Variants in GALNTL6 observed in about 807,000 individuals in gnomAD.
GALNTL6 encodes the protein polypeptide N-acetylgalactosaminyltransferase-like 6.
Under a neutral mutation model 73.7 loss-of-function variants are expected in GALNTL6, and 46 were observed. That is an observed-to-expected ratio of 0.62 (90% CI 0.49 to 0.80). GALNTL6 has a LOEUF of 0.80. Among genes scored for constraint, GALNTL6 ranks in the 30% least tolerant of loss-of-function variants. The probability of loss-of-function intolerance (pLI) is 0.00; values close to 1 mark genes in which losing one functional copy is unlikely to be tolerated. For synonymous variants in GALNTL6, 259 were observed against 263.7 expected, an observed-to-expected ratio of 0.98 and a Z score of 0.17; for missense variants, 604 against 755.0, an observed-to-expected ratio of 0.80 and a Z score of 2.34.
intron 2 of GALNTL6, among the ~76,000 whole-genome samples, chr4:171,917,883 A>G (rs1013065198): frequency 6.6e-6 from 1 of 152,120 alleles, no homozygotes; most frequent in Non-Finnish European, 1.5e-5. Flanking sequence ...AGACACACCT[A>G]CCACCTGACA....
At chr4:172,678,500 C>T (rs1014669918) in intron 5 of GALNTL6, among the ~76,000 whole-genome samples, 2 of 152,202 alleles carry the variant, frequency 1.3e-5, no homozygotes, top group African/African-American at 4.8e-5. Context: ...CATGCGCCAC[C>T]ATGCCCAGCT....
chr4:173,016,659 T>C (rs1752796119), intron 11 of GALNTL6, among the ~76,000 whole-genome samples: 1 of 152,228 alleles, frequency 6.6e-6, no homozygotes, highest in Non-Finnish European at 1.5e-5. Context: ...CCAACTTGCA[T>C]TTGATTTTAC....
intron 3 of GALNTL6, among the ~76,000 whole-genome samples, chr4:172,274,542 C>T (rs934197333): frequency 1.3e-5 from 2 of 152,140 alleles, no homozygotes; most frequent in Non-Finnish European, 2.9e-5. Flanking sequence ...ATATCTTTCT[C>T]TCTACTCATC....
intron 5 of GALNTL6, among the ~76,000 whole-genome samples, chr4:172,637,652 TA>T (rs1421641057): frequency 2.0e-5 from 3 of 152,176 alleles, no homozygotes; most frequent in African/African-American, 7.2e-5. Context: ...GGTGAAACAA[TA>T]AAATCATTTA....
chr4:172,668,588 G>A (rs1374252178), intron 5 of GALNTL6: 1 of 152,146 alleles, frequency 6.6e-6, no homozygotes, highest in African/African-American at 2.4e-5. Context: ...AATGAAAAGA[G>A]AGCATTTCTC....
intron 2 of GALNTL6, among the ~76,000 whole-genome samples, chr4:171,907,943 T>C (rs1378101667): frequency 2.0e-5 from 3 of 152,036 alleles, no homozygotes; most frequent in Admixed American, 6.6e-5. Context: ...GCTAGCCATA[T>C]GTAGAAAGCT....
intron 7 of GALNTL6, among the ~76,000 whole-genome samples, chr4:172,864,810 C>G (rs1049249182): frequency 6.6e-6 from 1 of 151,984 alleles, no homozygotes; most frequent in Non-Finnish European, 1.5e-5. Flanking sequence ...CTTTGATGTT[C>G]TATTTCTATC....
chr4:172,201,323 C>T lies in GALNTL6; in HGVS notation c.139-28333C>T, dbSNP rs192921052. On this transcript the variant is annotated intron_variant, in intron 2 of 12. Coordinates refer to ENST00000506823, the MANE Select transcript of GALNTL6 (RefSeq NM_001034845.3). ...TGGGATTCAAGCAATTCCCCTGCCT[C>T]GGCCTCCCAAGTTGCTGGGACTACA... 1.8e-4 allele frequency among the ~76,000 whole-genome samples: 28 copies of T among 152,140 alleles called. No individual in the cohort carries two copies. The East Asian group carries it at 3.1e-3, about 17-fold the overall frequency.
intron 2 of GALNTL6, among the ~76,000 whole-genome samples, chr4:171,955,409 C>A (rs1038186750): frequency 1.3e-5 from 2 of 151,140 alleles, no homozygotes; most frequent in East Asian, 3.9e-4. Flanking sequence ...TACACACACA[C>A]ATACAGTTGA....
chr4:171,849,963 A>C (rs1374674892), intron 2 of GALNTL6, among the ~76,000 whole-genome samples: 1 of 152,146 alleles, frequency 6.6e-6, no homozygotes, highest in African/African-American at 2.4e-5. Context: ...GTGGAGAGTT[A>C]ACATTTTTTG....
chr4:172,325,804 TA>T (rs1350717369), intron 4 of GALNTL6, among the ~76,000 whole-genome samples: 1 of 151,692 alleles, frequency 6.6e-6, no homozygotes, highest in Non-Finnish European at 1.5e-5. Flanking sequence ...AATGGAATAC[TA>T]AAAAATATAT....
At chr4:172,530,457 T>C (rs879742015) in intron 5 of GALNTL6, among the ~76,000 whole-genome samples, 12 of 152,220 alleles carry the variant, frequency 7.9e-5, no homozygotes, top group Non-Finnish European at 1.3e-4. Flanking sequence ...TAAGCAGTTC[T>C]TGGCTTTTGA....
At chr4:171,889,346 T>C (rs1736695332) in intron 2 of GALNTL6, among the ~76,000 whole-genome samples, 1 of 152,126 alleles carries the variant, frequency 6.6e-6, no homozygotes, top group South Asian at 2.1e-4. Context: ...CAGTCTTTCA[T>C]TGACCTGGTT....
At chr4:172,903,379 A>G (rs1746725523) in intron 8 of GALNTL6, among the ~76,000 whole-genome samples, 1 of 152,170 alleles carries the variant, frequency 6.6e-6, no homozygotes, top group Non-Finnish European at 1.5e-5. Flanking sequence ...CTCTAACAAT[A>G]CTAATCAGCA....
At chr4:172,902,435 A>G (rs1317404075) in intron 8 of GALNTL6, among the ~76,000 whole-genome samples, 1 of 152,184 alleles carries the variant, frequency 6.6e-6, no homozygotes, top group East Asian at 1.9e-4. Context: ...TAGGAGATAC[A>G]AAGTCTCAAT....
chr4:171,978,317 A>C (rs992074668), intron 2 of GALNTL6, among the ~76,000 whole-genome samples: 8 of 152,188 alleles, frequency 5.3e-5, no homozygotes, highest in Non-Finnish European at 1.2e-4. Flanking sequence ...AGTGTATATT[A>C]AGTAAATTCT....
chr4:172,934,079 AAAAGAC>A (rs1167746475), intron 9 of GALNTL6, among the ~76,000 whole-genome samples: 3 of 152,230 alleles, frequency 2.0e-5, no homozygotes, highest in Admixed American at 6.5e-5. Flanking sequence ...ATCTGGTTGC[AAAAGAC>A]AGGATATCCA....
intron 7 of GALNTL6, among the ~76,000 whole-genome samples, chr4:172,866,392 G>A (rs906794247): frequency 6.6e-6 from 1 of 152,196 alleles, no homozygotes; most frequent in East Asian, 1.9e-4. Context: ...ACAACAATAT[G>A]ACATCAGTCA....
intron 5 of GALNTL6, among the ~76,000 whole-genome samples, chr4:172,510,923 T>C (rs1734437559): frequency 1.8e-5 from 1 of 54,456 alleles, no homozygotes; most frequent in Non-Finnish European, 4.2e-5. Context: ...GTTATGTCTT[T>C]TCCTGGTTTT....
Sources: allele counts gnomAD v4.1 joint callset (sites outside exome capture counted in the v4.1 genomes callset), GRCh38; gene constraint gnomAD v4.1.1; transcripts MANE v1.5; gene names NCBI Gene and HGNC (gene_info 2026-07-23, HGNC 2026-07-21).